Variants in ADGRF5 observed in about 807,000 individuals in gnomAD.
ADGRF5 encodes the protein G-protein coupled receptor 116.
In ADGRF5, 75 loss-of-function variants were observed where a neutral mutation model predicts 132.3. The ratio of observed to expected loss-of-function variants is 0.57; its 90% CI spans 0.47 to 0.69. The LOEUF (loss-of-function observed/expected upper bound fraction) is 0.69. Among genes scored for constraint, ADGRF5 ranks in the 30% least tolerant of loss-of-function variants. The pLI is 0.00. For missense variants in ADGRF5, 1,516 were observed against 1,630.6 expected (o/e 0.93, Z 1.21); for synonymous variants, 629 against 597.6 (o/e 1.05, Z -0.77).
rs201240602 is a variant in ADGRF5 at position 46,877,322 on chromosome 6, CTTCTTTCTTTCTTTCTTTCTTTCT to C, written c.1240+856_1240+879del. ...CTCTCTCTCTTTCCTTCCTTCCTTC[CTTCTTTCTTTCTTTCTTTCTTTCT>C]TTCTTTCTTTCTTTCTTTCTTTCTT... On this transcript the variant is annotated intron_variant, in intron 10 of 20. Transcript: ENST00000283296. 1.8e-3 allele frequency among the ~76,000 whole-genome samples: 54 copies of C among 30,312 alleles called. No homozygotes were observed. The South Asian group carries it at 0.02, about 11-fold the overall frequency. 19.9% of individuals were successfully genotyped at this position (30,312 alleles called of 152,430 possible).
intron 2 of ADGRF5, among the ~76,000 whole-genome samples, chr6:46,901,661 C>A (rs966631059): frequency 1.3e-5 from 2 of 152,158 alleles, no homozygotes; most frequent in African/African-American, 4.8e-5. Flanking sequence ...GGATTCAAAC[C>A]CAGCCAGCTC....
At chr6:46,883,965 G>T in intron 5 of ADGRF5, 130 bp downstream of exon 5, 2 of 820,760 alleles carry the variant, frequency 2.4e-6, no homozygotes, top group Non-Finnish European at 3.9e-6. Context: ...TGCTGTCAAA[G>T]TCCTGACCAC....
chr6:46,876,088 A>G (rs553568035), intron 10 of ADGRF5, among the ~76,000 whole-genome samples: 7 of 152,306 alleles, frequency 4.6e-5, no homozygotes, highest in African/African-American at 1.7e-4. Context: ...ATTGTGTTCT[A>G]CAGACTTGGA....
intron 1 of ADGRF5, among the ~76,000 whole-genome samples, chr6:46,935,857 T>G (rs555353079): frequency 6.6e-6 from 1 of 152,252 alleles, no homozygotes; most frequent in East Asian, 1.9e-4. Context: ...AAACAAGCTT[T>G]GACTCCACTT....
rs1581915337 is a variant in ADGRF5, at chr6:46,899,949, A to G, written c.157+80T>C. The G allele has an allele frequency of 4.2e-6, 4 of 952,638 alleles. No homozygotes were observed. The Admixed American group carries it at 5.1e-5, about 12-fold the overall frequency. 59.0% of individuals were successfully genotyped at this position (952,638 alleles called of 1,614,324 possible). On this transcript the variant is annotated intron_variant, in intron 3 of 20. Coordinates refer to ENST00000283296, the MANE Select transcript of ADGRF5 (RefSeq NM_001098518.2). ...TGTGATTGGAGGCTGAATTATGTAG[A>G]CTACAATGTTTTAAAAAGTTGCAAC...
chr6:46,879,443 T>C (rs1189035471), intron 9 of ADGRF5, among the ~76,000 whole-genome samples: 1 of 152,084 alleles, frequency 6.6e-6, no homozygotes, highest in Admixed American at 6.5e-5. Flanking sequence ...TGAGATCTGA[T>C]GGTTTAAAAC....
chr6:46,904,129 C>T (rs903890002), intron 2 of ADGRF5, among the ~76,000 whole-genome samples: 11 of 152,194 alleles, frequency 7.2e-5, no homozygotes, highest in Non-Finnish European at 1.5e-4. Flanking sequence ...ACCCAAGCAT[C>T]CTGAGCTAAA....
upstream of ADGRF5, among the ~76,000 whole-genome samples, chr6:46,926,106 TG>T (rs1188286967): frequency 6.6e-6 from 1 of 152,164 alleles, no homozygotes; most frequent in Non-Finnish European, 1.5e-5. Context: ...ATTCTTATCT[TG>T]GGTGTGTATA....
At chr6:46,912,853 A>T (rs1776078489) in intron 1 of ADGRF5, among the ~76,000 whole-genome samples, 1 of 151,918 alleles carries the variant, frequency 6.6e-6, no homozygotes, top group Non-Finnish European at 1.5e-5. Flanking sequence ...TTCGCTGATT[A>T]AAAAAAATGC....
chr6:46,878,475 G>A (rs1435869982), intron 9 of ADGRF5, 70 bp from the exon 10 acceptor site: 1 of 923,956 alleles, frequency 1.1e-6, no homozygotes, highest in Admixed American at 2.0e-5. Context: ...TGTACCGTCA[G>A]CTCATGGATC....
chr6:46,872,200 C>A (rs1771149901), intron 10 of ADGRF5, among the ~76,000 whole-genome samples, 187 bp from the exon 11 acceptor site: 3 of 152,046 alleles, frequency 2.0e-5, no homozygotes, highest in Admixed American at 6.5e-5. Flanking sequence ...GGCTTCGGAT[C>A]CCAAACTCCA....
At chr6:46,884,020 G>T in intron 5 of ADGRF5, 75 bp downstream of exon 5, 1 of 1,205,570 alleles carries the variant, frequency 8.3e-7, no homozygotes, top group Non-Finnish European at 1.2e-6. Flanking sequence ...GGGATTACAG[G>T]CATGAGCCAC....
chr6:46,895,306 A>T (rs1183473513), intron 3 of ADGRF5, among the ~76,000 whole-genome samples: 2 of 152,120 alleles, frequency 1.3e-5, no homozygotes, highest in Non-Finnish European at 2.9e-5. Context: ...ATTAAATGTC[A>T]AGCTTAAAAC....
chr6:46,877,326 T>TTCCTTCC (rs1396210264), intron 10 of ADGRF5, among the ~76,000 whole-genome samples: 146 of 98,260 alleles, frequency 1.5e-3, no homozygotes, highest in South Asian at 5.3e-3. Flanking sequence ...TCCTTCCTTC[T>TTCCTTCC]TTCTTTCTTT....
chr6:46,953,493 G>A (rs561400227), intron 1 of ADGRF5, among the ~76,000 whole-genome samples: 31 of 151,440 alleles, frequency 2.0e-4, no homozygotes, highest in Admixed American at 3.9e-4. Context: ...GTGGTGGTGC[G>A]TGCCTGTAGT....
intron 6 of ADGRF5, 55 bp downstream of exon 6, chr6:46,883,504 C>T (rs1772716061): frequency 2.4e-6 from 2 of 844,446 alleles, no homozygotes; most frequent in Middle Eastern, 4.3e-4. Flanking sequence ...ATGCAATAGA[C>T]TCAGTTCAGT....
At chr6:46,940,576 A>G (rs370968745) in intron 1 of ADGRF5, among the ~76,000 whole-genome samples, 22 of 152,282 alleles carry the variant, frequency 1.4e-4, no homozygotes, top group African/African-American at 4.3e-4. Flanking sequence ...CCCATCCTGT[A>G]AAGACTCAGA....
chr6:46,866,061 T>G (rs1770383277), intron 13 of ADGRF5, among the ~76,000 whole-genome samples: 1 of 152,162 alleles, frequency 6.6e-6, no homozygotes, highest in Non-Finnish European at 1.5e-5. Flanking sequence ...TCCCTAGGGA[T>G]CTGGATTAAG....
In ADGRF5 at chr6:46,926,984, A is replaced by G. The variant is rs1777282559; in HGVS notation, c.-24-20198T>C. On this transcript the variant is annotated intron_variant, in intron 1 of 20. Coordinates refer to the ADGRF5 transcript ENST00000265417. Reference sequence around the variant, plus strand: ...GGCACTCTCCAATGGCGGATACCATATACTGCAGTAACAGCGAGGCTGATC... The same window carrying G: ...GGCACTCTCCAATGGCGGATACCATGTACTGCAGTAACAGCGAGGCTGATC... 2.0e-5 allele frequency among the ~76,000 whole-genome samples: 3 copies of G among 152,144 alleles called. 1 individual carries two copies. The South Asian group carries it at 6.2e-4, about 31-fold the overall frequency.
Sources: allele counts gnomAD v4.1 joint callset (sites outside exome capture counted in the v4.1 genomes callset), GRCh38; gene constraint gnomAD v4.1.1; transcripts MANE v1.5; gene names NCBI Gene and HGNC (gene_info 2026-07-23, HGNC 2026-07-21).